The following MID2 variants were observed in gnomAD, a reference collection of about 807,000 sequenced individuals.
MID2 encodes the protein probable E3 ubiquitin-protein ligase MID2.
Under a neutral mutation model 46.1 loss-of-function variants are expected in MID2, and 13 were observed. That is an observed-to-expected ratio of 0.28 (90% CI 0.18 to 0.45). The LOEUF is 0.45. Ranked by LOEUF, MID2 falls within the 20% of genes least tolerant of loss-of-function variation. The pLI, the probability that MID2 is intolerant of heterozygous loss-of-function variation, is 1.00. For synonymous variants in MID2, 199 were observed against 212.3 expected (o/e 0.94, Z 0.55); for missense variants, 431 against 575.4 (o/e 0.75, Z 2.57).
rs750297026 is a variant in MID2 at position 107,926,268 on chromosome X, A to G, written c.1772A>G (p.His591Arg). 1 of 1,210,331 alleles carries G rather than the reference A, an allele frequency of 8.3e-7. No homozygotes were observed. The highest frequency in any genetic ancestry group is 1.1e-6 in the Non-Finnish European group (1 of 894,784). The change falls in exon 9 of 10, where the codon CAC becomes CGC. Residue 591 changes from histidine to arginine, a missense_variant. Transcript: ENST00000262843. ...AATATATTCATTGACAGTGGCTGCC[A>G]CTATTGGGAGGTGGTCATGGGTTCC... ...AGNIFIDSGC[H>R]YWEVVMGSST...
At chrX:107,863,325 C>T (rs73529318) in intron 3 of MID2, among the ~76,000 whole-genome samples, 2,103 of 111,857 alleles carry the variant, frequency 0.019, 52 homozygotes, top group African/African-American at 0.064. Flanking sequence ...TCCTCGCCCT[C>T]CTCCCTCACA....
rs769445620 is a variant in MID2, at chrX:107,878,641, G to A, written c.816+23937G>A. Among the ~76,000 whole-genome samples, 12 of 112,110 alleles carry A rather than the reference G, an allele frequency of 1.1e-4. No homozygotes were observed. In the East Asian group the frequency reaches 3.1e-3, roughly 29 times the overall value. On this transcript the variant is annotated intron_variant, in intron 3 of 9. Coordinates refer to ENST00000262843, the MANE Select transcript of MID2 (RefSeq NM_012216.4). ...AGTTCAGGGGCCTTCTGGCAACAAC[G>A]AGGAGTGGCATTGGCCAGATGCCTT...
chrX:107,889,719 A>G (rs780287699), intron 3 of MID2, among the ~76,000 whole-genome samples: 1 of 112,051 alleles, frequency 8.9e-6, no homozygotes, highest in East Asian at 2.8e-4. Flanking sequence ...GTGTTTTCCA[A>G]CTTGGTTCCA....
At position 107,826,484 on chromosome X, in the gene MID2, A is replaced by G. The variant is rs1930948729; in HGVS notation, c.4+54A>G. On this transcript the variant is annotated intron_variant, in intron 1 of 9. Coordinates refer to ENST00000262843, the MANE Select transcript of MID2 (RefSeq NM_012216.4). ...GGAGGTCGAGCGTCGTAGCCCTCGC[A>G]GGGCTAGTCTCCGGCTCCGGCCGCT... The G allele has an allele frequency of 2.7e-6, 3 of 1,111,706 alleles. No homozygotes were observed. The African/African-American group carries it at 5.7e-5, about 21-fold the overall frequency. The allele number at this position is 1,111,706 out of a possible 1,213,427, so 91.6% of individuals were successfully genotyped here.
At chrX:107,868,335 A>G (rs780651005) in intron 3 of MID2, among the ~76,000 whole-genome samples, 15 of 111,705 alleles carry the variant, frequency 1.3e-4, no homozygotes, top group Non-Finnish European at 2.6e-4. Flanking sequence ...AGAAGAAAGT[A>G]TTTTCAGAAG....
intron 5 of MID2, among the ~76,000 whole-genome samples, chrX:107,913,209 C>T (rs1932917812): frequency 8.9e-6 from 1 of 111,769 alleles, no homozygotes; most frequent in African/African-American, 3.2e-5. Context: ...TTATACTCTA[C>T]ATTTGAAACA....
rs1157570748 is a variant in MID2 at position 107,917,486 on chromosome X, T to C, written c.1202-20T>C. 8.7e-7 allele frequency: 1 copy of C among 1,145,831 alleles called. No homozygotes were observed. The highest frequency in any genetic ancestry group is 1.8e-5 in the African/African-American group (1 of 55,704). The allele number at this position is 1,145,831 out of a possible 1,213,427, so 94.4% of individuals were successfully genotyped here. The stretch of plus-strand genomic sequence containing the variant: ...GAGAAAGTATGCTTTCCTTACTTTC[T>C]TTTCCACCTTTCCTTACAGCCCCAA... On this transcript the variant is annotated intron_variant, in intron 6 of 9. Transcript: ENST00000262843.
intron 3 of MID2, among the ~76,000 whole-genome samples, chrX:107,891,401 C>T (rs1195223805): frequency 5.5e-5 from 6 of 108,716 alleles, no homozygotes; most frequent in African/African-American, 2.0e-4. Flanking sequence ...CTGCCTCAGA[C>T]TCCCGAGTAG....
intron 3 of MID2, among the ~76,000 whole-genome samples, chrX:107,878,583 G>A (rs1001928764): frequency 1.8e-5 from 2 of 112,373 alleles, no homozygotes; most frequent in African/African-American, 6.5e-5. Context: ...TGAGCATCTT[G>A]GCGGACCACC....
intron 2 of MID2, 66 bp from the exon 3 acceptor site, chrX:107,854,543 A>C: frequency 1.2e-6 from 1 of 812,848 alleles, no homozygotes; most frequent in African/African-American, 2.0e-5. Context: ...ATTGGTTCTC[A>C]AGCTCATGGT....
intron 5 of MID2, among the ~76,000 whole-genome samples, chrX:107,912,430 T>C (rs192524847): frequency 1.8e-5 from 2 of 112,197 alleles, no homozygotes; most frequent in African/African-American, 3.2e-5. Flanking sequence ...TTGCTAAATA[T>C]AATAGACACC....
chrX:107,851,054 C>T (rs866687710), intron 2 of MID2, among the ~76,000 whole-genome samples: 1 of 111,872 alleles, frequency 8.9e-6, no homozygotes, highest in Non-Finnish European at 1.9e-5. Flanking sequence ...TCAATATATT[C>T]GCCTAATATA....
At chrX:107,842,647 C>G (rs1931373027) in intron 2 of MID2, among the ~76,000 whole-genome samples, 1 of 112,024 alleles carries the variant, frequency 8.9e-6, no homozygotes, top group South Asian at 3.7e-4. Context: ...GTCACAATGA[C>G]TATGGTTTGT....
chrX:107,928,559 G>A lies in MID2; in HGVS notation c.*1486G>A, dbSNP rs1933228763. Among the ~76,000 whole-genome samples, 1 of 111,548 alleles carries A rather than the reference G, an allele frequency of 9.0e-6. No individual in the cohort carries two copies. Among genetic ancestry groups the A allele is most frequent in the Admixed American group, 9.5e-5 (1 of 10,511 alleles). On this transcript the variant is annotated 3_prime_UTR_variant, in exon 10 of 10. Coordinates refer to ENST00000262843, the MANE Select transcript of MID2 (RefSeq NM_012216.4). ...AGTGGTAGCCATAACAACTCCCTCAGATTGGAGACTTGAAATGTCAAAACT... is the reference window on the plus strand; with the variant it reads ...AGTGGTAGCCATAACAACTCCCTCAAATTGGAGACTTGAAATGTCAAAACT...
intron 6 of MID2, 89 bp from the exon 7 acceptor site, chrX:107,917,416 GA>G: frequency 1.4e-6 from 1 of 704,817 alleles, no homozygotes; most frequent in Non-Finnish European, 2.2e-6. Context: ...CTCTTCAAGA[GA>G]TGTTGGGTTA....
chrX:107,902,124 T>C (rs1002203260), intron 3 of MID2, among the ~76,000 whole-genome samples: 1 of 111,876 alleles, frequency 8.9e-6, no homozygotes, highest in African/African-American at 3.2e-5. Flanking sequence ...AGTCACTTAA[T>C]CTCTCTGTGC....
intron 3 of MID2, among the ~76,000 whole-genome samples, chrX:107,886,404 G>C (rs1460877859): frequency 1.8e-5 from 2 of 111,816 alleles, no homozygotes; most frequent in South Asian, 3.8e-4. Flanking sequence ...GCTTGTTTTT[G>C]TCAGGTTTGT....
In MID2 at chrX:107,896,752, G is replaced by A. The variant is rs191975444; in HGVS notation, c.817-7206G>A. Among the ~76,000 whole-genome samples, 5 of 111,153 alleles carry A rather than the reference G, an allele frequency of 4.5e-5. No homozygotes were observed. The East Asian group carries it at 1.1e-3, about 25-fold the overall frequency. On this transcript the variant is annotated intron_variant, in intron 3 of 9. Coordinates refer to ENST00000262843, the MANE Select transcript of MID2 (RefSeq NM_012216.4). ...GTTAACTCTAGAGATTGTGATTGTC[G>A]TGAGAGGCAACTCTAAAGGAAAAAG...
intron 3 of MID2, chrX:107,896,445 T>C (rs781509958): frequency 9.8e-5 from 11 of 112,778 alleles, no homozygotes; most frequent in Non-Finnish European, 1.7e-4. Context: ...TATAAAGGTT[T>C]GGTTGTCTGT....
Sources: allele counts gnomAD v4.1 joint callset (sites outside exome capture counted in the v4.1 genomes callset), GRCh38; gene constraint gnomAD v4.1.1; transcripts MANE v1.5; gene names NCBI Gene and HGNC (gene_info 2026-07-23, HGNC 2026-07-21).